The following DMAC2 variants were observed in gnomAD, a reference collection of about 807,000 sequenced individuals.
DMAC2 encodes the protein distal membrane arm assembly component 2.
A neutral mutation model predicts 29.6 loss-of-function variants in DMAC2; 32 were observed. That is an observed-to-expected ratio of 1.08 (90% CI 0.81 to 1.45). DMAC2 has a LOEUF of 1.45. Among genes scored for constraint, DMAC2 ranks in the 40% most tolerant of loss-of-function variants. DMAC2 has a pLI of 0.00. For missense variants in DMAC2, 319 were observed against 340.0 expected (o/e 0.94, Z 0.49); for synonymous variants, 133 against 137.4 (o/e 0.97, Z 0.23).
At position 41,431,410 on chromosome 19, in the gene DMAC2, T is replaced by C. The variant is rs533445263; in HGVS notation, c.*821A>G. ...CTTCACTGGTAAAATGCTTCTGAAT[T>C]GACTGGAAATCCATTTGGGGTGCTG... On this transcript the variant is annotated 3_prime_UTR_variant, in exon 6 of 6. Transcript: ENST00000221943. The C allele has an allele frequency of 1.5e-5, 7 of 466,124 alleles. No individual in the cohort carries two copies. The highest frequency in any genetic ancestry group is 9.9e-5 in the African/African-American group (5 of 50,562). 28.9% of individuals were successfully genotyped at this position (466,124 alleles called of 1,614,324 possible).
At chr19:41,432,500 GTGTA>G (rs1168671078) in intron 5 of DMAC2, 92 bp from the exon 6 acceptor site, 7 of 1,292,972 alleles carry the variant, frequency 5.4e-6, no homozygotes, top group Non-Finnish European at 7.6e-6. Context: ...GTGTGTGTGT[GTGTA>G]TAGGCAGGTA....
intron 2 of DMAC2, 33 bp downstream of exon 2, chr19:41,438,185 C>T: frequency 1.3e-6 from 2 of 1,589,914 alleles, no homozygotes; most frequent in Non-Finnish European, 1.7e-6. Context: ...GGGCCAGGGT[C>T]TCCACAGGGT....
chr19:41,432,193 C>T lies in DMAC2; in HGVS notation c.*38G>A. 1 of 1,593,616 alleles carries T rather than the reference C, an allele frequency of 6.3e-7. No homozygotes were observed. The highest frequency in any genetic ancestry group is 8.6e-7 in the Non-Finnish European group (1 of 1,167,790). On this transcript the variant is annotated 3_prime_UTR_variant, in exon 6 of 6. Transcript: ENST00000221943. ...TGAGCTACCAGACATTCCATGCAGC[C>T]CGCTGAGAAGCCACGTGAGTGGGGA...
intron 1 of DMAC2, chr19:41,439,405 G>T: frequency 1.7e-6 from 2 of 1,207,386 alleles, no homozygotes; most frequent in Non-Finnish European, 2.4e-6. Flanking sequence ...TTGACCTCTT[G>T]GTTCCCCCAC....
chr19:41,431,976 GCCTGAGCCTTTA>G lies in DMAC2; in HGVS notation c.*243_*254del. The G allele has an allele frequency of 5.4e-6, 3 of 552,170 alleles. No homozygotes were observed. Among genetic ancestry groups the G allele is most frequent in the Non-Finnish European group, 9.7e-6 (3 of 308,148 alleles). The allele number at this position is 552,170 out of a possible 1,614,324, so 34.2% of individuals were successfully genotyped here. A position where few individuals can be genotyped will look rare whatever the true frequency, so the allele number is the denominator to read the frequency against. ...GTGTGGCTCTCTGCGGCTACTAACA[GCCTGAGCCTTTA>G]CCTCCCCAGGCCTGAACAGGGGCAT... On this transcript the variant is annotated 3_prime_UTR_variant, in exon 6 of 6. Transcript: ENST00000221943.
At chr19:41,434,447 G>C (rs1282607154) in intron 3 of DMAC2, among the ~76,000 whole-genome samples, 4 of 138,182 alleles carry the variant, frequency 2.9e-5, no homozygotes, top group African/African-American at 8.2e-5. Flanking sequence ...TACATACCTA[G>C]AAACTGAGGG....
At chr19:41,436,505 T>C (rs782052235) in intron 2 of DMAC2, 33 bp from the exon 3 acceptor site, 22 of 1,587,842 alleles carry the variant, frequency 1.4e-5, no homozygotes, top group Non-Finnish European at 1.8e-5. Flanking sequence ...GGGTGAGGCC[T>C]GGGGAGCACC....
chr19:41,432,783 C>CGCGT (rs1555769724), intron 5 of DMAC2: 1 of 290,802 alleles, frequency 3.4e-6, no homozygotes, highest in Non-Finnish European at 5.9e-6. Context: ...GGACAGCGTG[C>CGCGT]GTGTGTGTGT....
intron 5 of DMAC2, chr19:41,432,757 TGTGTAGGGAGGTACAGGACAGCGTGC>T: frequency 2.3e-6 from 1 of 426,978 alleles, no homozygotes; most frequent in South Asian, 2.5e-5. Context: ...CGTGTGCGTG[TGTGTAGGGAGGTACAGGACAGCGTGC>T]GTGTGTGTGT....
At chr19:41,438,084 G>T in intron 2 of DMAC2, 134 bp downstream of exon 2, 1 of 819,510 alleles carries the variant, frequency 1.2e-6, no homozygotes, top group Non-Finnish European at 2.0e-6. Context: ...GAAGGGTACA[G>T]CCTGGAGATG....
At chr19:41,437,982 T>G (rs1443236991) in intron 2 of DMAC2, among the ~76,000 whole-genome samples, 1 of 152,226 alleles carries the variant, frequency 6.6e-6, no homozygotes, top group Admixed American at 6.5e-5. Flanking sequence ...GAAATCAGGG[T>G]TTGGCTTTAG....
Position 41,439,884 on chromosome 19 carries a change from C to T in DMAC2, c.16G>A (p.Ala6Thr), listed in dbSNP as rs782022190. 1.9e-6 allele frequency: 3 copies of T among 1,614,208 alleles called. No homozygotes were observed. The highest frequency in any genetic ancestry group is 2.2e-5 in the East Asian group (1 of 44,886). The change falls in exon 1 of 6, where the codon GCG becomes ACG. Residue 6 changes from alanine (A) to threonine (T), a missense_variant and splice_region_variant. Physicochemically the swap from Ala to Thr is moderately conservative, Grantham distance 58. Transcript: ENST00000221943. MAAPWASLRLVAPMWN... is the reference protein window; with the variant it reads MAAPWTSLRLVAPMWN... Reference sequence around the variant, plus strand: ...CTCTAGGAACTCCGGTCACTTACCGCCCAGGGAGCCGCCATCTTGCTAAGG... The same window carrying T: ...CTCTAGGAACTCCGGTCACTTACCGTCCAGGGAGCCGCCATCTTGCTAAGG...
chr19:41,432,865 C>A, intron 5 of DMAC2: 14 of 378,914 alleles, frequency 3.7e-5, no homozygotes, highest in East Asian at 4.7e-5. Context: ...AGTGTGTGTG[C>A]GTGCGTGTGT....
intron 3 of DMAC2, 117 bp downstream of exon 3, chr19:41,436,275 C>T (rs782564828): frequency 2.7e-5 from 23 of 836,480 alleles, no homozygotes; most frequent in Non-Finnish European, 3.7e-5. Flanking sequence ...CCAAGCCACA[C>T]AGCCAGGAGG....
rs1555769064 is a variant in DMAC2 at position 41,432,198 on chromosome 19, G to A, written c.*33C>T. 3 of 1,598,352 alleles carry A rather than the reference G, an allele frequency of 1.9e-6. No individual in the cohort carries two copies. The highest frequency in any genetic ancestry group is 1.7e-5 in the Admixed American group (1 of 58,928). On this transcript the variant is annotated 3_prime_UTR_variant, in exon 6 of 6. Transcript: ENST00000221943. Reference sequence around the variant, plus strand: ...TACCAGACATTCCATGCAGCCCGCTGAGAAGCCACGTGAGTGGGGACAGGG... The same window carrying A: ...TACCAGACATTCCATGCAGCCCGCTAAGAAGCCACGTGAGTGGGGACAGGG...
At chr19:41,439,410 C>A (rs571928438) in intron 1 of DMAC2, 2 of 1,276,488 alleles carry the variant, frequency 1.6e-6, no homozygotes, top group East Asian at 2.5e-5. Context: ...CTCTTGGTTC[C>A]CCCACCCATC....
intron 5 of DMAC2, 170 bp from the exon 6 acceptor site, chr19:41,432,578 T>TGTGC: frequency 1.6e-6 from 1 of 630,678 alleles, no homozygotes; most frequent in South Asian, 1.8e-5. Flanking sequence ...CGTGTGTGTG[T>TGTGC]GTGTGTGTGT....
intron 5 of DMAC2, chr19:41,432,866 G>A (rs986274113): frequency 3.0e-5 from 16 of 527,570 alleles, no homozygotes; most frequent in African/African-American, 1.8e-4. Context: ...GTGTGTGTGC[G>A]TGCGTGTGTG....
chr19:41,439,514 G>T (rs1183678884), intron 1 of DMAC2: 3 of 1,536,646 alleles, frequency 2.0e-6, no homozygotes, highest in African/African-American at 1.4e-5. Flanking sequence ...CCACATCCTC[G>T]AACAATCCCT....
Sources: gnomAD v4.1 joint callset for allele counts (sites outside exome capture counted in the v4.1 genomes callset) on GRCh38, gnomAD v4.1.1 for gene constraint, MANE v1.5 for transcripts, NCBI Gene and HGNC (gene_info 2026-07-23, HGNC 2026-07-21) for gene names.